Variants in ZNF718 observed in about 807,000 individuals in gnomAD.
ZNF718 encodes the protein zinc finger protein 718.
ZNF718 carries 3 observed loss-of-function variants against 2.6 expected under a neutral mutation model. That is an observed-to-expected ratio of 1.16 (90% confidence interval 0.53 to 3.01). The LOEUF (loss-of-function observed/expected upper bound fraction) is 3.01. Ranked by LOEUF, ZNF718 falls within the 30% of genes most tolerant of loss-of-function variation. ZNF718 has a pLI of 0.03. For synonymous variants in ZNF718, 135 were observed against 77.9 expected (o/e 1.73, Z -3.86); for missense variants, 468 against 230.0 (o/e 2.03, Z -6.69).
downstream of ZNF718, among the ~76,000 whole-genome samples, chr4:165,208 T>G (rs112994481): frequency 0.025 from 3,783 of 152,270 alleles, 91 homozygotes; most frequent in African/African-American, 0.065. Context: ...AAGTTTGGAT[T>G]TGTTTTAATG....
intron 3 of ZNF718, among the ~76,000 whole-genome samples, chr4:196,455 G>A (rs1553822039): frequency 6.6e-6 from 1 of 152,162 alleles, no homozygotes; most frequent in African/African-American, 2.4e-5. Context: ...GGAAATGAAA[G>A]GCTGAACCAT....
chr4:186,317 C>A (rs1717564979), intron 3 of ZNF718, among the ~76,000 whole-genome samples: 1 of 152,144 alleles, frequency 6.6e-6, no homozygotes, highest in African/African-American at 2.4e-5. Context: ...GGCCCCCAAT[C>A]TCTTCTGGCT....
At chr4:138,952 A>G (rs1195940752) in intron 3 of ZNF718, among the ~76,000 whole-genome samples, 1 of 152,182 alleles carries the variant, frequency 6.6e-6, no homozygotes, top group Non-Finnish European at 1.5e-5. Flanking sequence ...AGAAATTTCT[A>G]TTCAAATTTT....
In ZNF718 at chr4:163,389, C is replaced by T. The variant is rs988980914; in HGVS notation, c.*1267C>T. 6 of 152,038 alleles carry T rather than the reference C, an allele frequency of 3.9e-5. No homozygotes were observed. In the East Asian group the frequency reaches 9.6e-4, roughly 24 times the overall value. The allele number at this position is 152,038 out of a possible 1,614,324, so 9.4% of individuals were successfully genotyped here. ...ATTTTTAGTAGAGACGGGGTTTCAC[C>T]GTTTTAGCCGGGATGGTCTCGATCT... On this transcript the variant is annotated 3_prime_UTR_variant, in exon 4 of 4. Transcript: ENST00000510175.
downstream of ZNF718, among the ~76,000 whole-genome samples, chr4:167,458 G>T (rs1418880156): frequency 1.3e-5 from 2 of 152,068 alleles, no homozygotes; most frequent in African/African-American, 4.8e-5. Flanking sequence ...CCATTTTCAT[G>T]ATATTGATTC....
At chr4:185,283 T>G (rs894693568) in intron 3 of ZNF718, among the ~76,000 whole-genome samples, 6 of 152,222 alleles carry the variant, frequency 3.9e-5, no homozygotes, top group African/African-American at 1.4e-4. Flanking sequence ...AGGAGCAGGT[T>G]GTTCAATTTC....
At position 160,896 on chromosome 4, in the gene ZNF718, T is replaced by C; in HGVS notation, c.227-16T>C. 1.4e-6 allele frequency: 1 copy of C among 740,380 alleles called. No individual in the cohort carries two copies. The highest frequency in any genetic ancestry group is 2.5e-6 in the Non-Finnish European group (1 of 402,440). The allele number at this position is 740,380 out of a possible 1,614,324, so 45.9% of individuals were successfully genotyped here. A position where few individuals can be genotyped will look rare whatever the true frequency, so the allele number is the denominator to read the frequency against. ...ATCTAGTAAGTGGGATAATTTGTTATTTTTATTTCTTTCAGCTGTGTGTTC... is the reference window on the plus strand; with the variant it reads ...ATCTAGTAAGTGGGATAATTTGTTACTTTTATTTCTTTCAGCTGTGTGTTC... On this transcript the variant is annotated splice_polypyrimidine_tract_variant and intron_variant, in intron 3 of 3. Transcript: ENST00000510175.
Position 131,746 on chromosome 4 carries a change from G to A in ZNF718, c.226+241G>A, listed in dbSNP as rs2089676216. On this transcript the variant is annotated intron_variant, in intron 3 of 3. Coordinates refer to ENST00000510175, the MANE Select transcript of ZNF718 (RefSeq NM_001039127.6). ...AAATTAGCCGGGTGTGGTGGCGGGC[G>A]CCTGTAATCCCAGCTACTTGGGAGG... Among the ~76,000 whole-genome samples the A allele has an allele frequency of 2.9e-5, 3 of 102,200 alleles. 1 individual carries two copies. The highest frequency in any genetic ancestry group is 1.0e-4 in the African/African-American group (3 of 29,322). 67.0% of individuals were successfully genotyped at this position (102,200 alleles called of 152,430 possible).
rs782652897 is a variant in ZNF718 at position 161,527 on chromosome 4, A to T, written c.842A>T (p.Lys281Ile). Residue 281 changes from lysine (K) to isoleucine (I), a missense_variant, in exon 4 of 4, where the codon AAA becomes ATA. Coordinates refer to ENST00000510175, the MANE Select transcript of ZNF718 (RefSeq NM_001039127.6). Reference sequence around the variant, plus strand: ...CATAAGAGAATTCATTCTGCACAAAAATACTACAAATGTGAAGAATGTGGT... The same window carrying T: ...CATAAGAGAATTCATTCTGCACAAATATACTACAAATGTGAAGAATGTGGT... ...NLHKRIHSAQ[K>I]YYKCEECGKA... 2.3e-5 allele frequency: 18 copies of T among 780,720 alleles called. 1 individual carries two copies. In the Admixed American group the frequency reaches 2.5e-4, roughly 11 times the overall value. 48.4% of individuals were successfully genotyped at this position (780,720 alleles called of 1,614,324 possible).
At position 193,880 on chromosome 4, in the gene ZNF718, C is replaced by A. The variant is rs149894607; in HGVS notation, c.227-7201C>A. ...GGGGCAGTGGGCCTTACAGTGATTC[C>A]CTTGACATAAGGGCATGGACAAGGG... On this transcript the variant is annotated intron_variant and NMD_transcript_variant, in intron 3 of 4. Transcript: ENST00000642529. Among the ~76,000 whole-genome samples the A allele has an allele frequency of 1.2e-3, 179 of 152,258 alleles. 1 individual carries two copies. Among genetic ancestry groups the A allele is most frequent in the Middle Eastern group, 3.4e-3 (1 of 294 alleles).
rs532012796 is a variant in ZNF718, at chr4:155,634, G to A, written c.227-5278G>A. Among the ~76,000 whole-genome samples, 2 of 152,238 alleles carry A rather than the reference G, an allele frequency of 1.3e-5. 1 individual carries two copies. The highest frequency in any genetic ancestry group is 4.8e-5 in the African/African-American group (2 of 41,550). On this transcript the variant is annotated intron_variant, in intron 3 of 3. Transcript: ENST00000510175. Reference sequence around the variant, plus strand: ...TACCCAATGCCTGCACCCCCATTGTGTCTAGGAAATAACTAACTTGCTTTT... The same window carrying A: ...TACCCAATGCCTGCACCCCCATTGTATCTAGGAAATAACTAACTTGCTTTT...
At position 175,727 on chromosome 4, in the gene ZNF718, T is replaced by C. The variant is rs529291556; in HGVS notation, c.227-25354T>C. Among the ~76,000 whole-genome samples the C allele has an allele frequency of 3.9e-5, 6 of 152,294 alleles. No individual in the cohort carries two copies. The South Asian group carries it at 1.2e-3, about 32-fold the overall frequency. ...ATAATACTCTGCAGATTTACTAATA[T>C]GCCTTTGTTACCATAAACCAACACC... On this transcript the variant is annotated intron_variant and NMD_transcript_variant, in intron 3 of 4. Transcript: ENST00000642529.
chr4:145,689 T>G (rs1716020599), intron 3 of ZNF718, among the ~76,000 whole-genome samples: 1 of 152,098 alleles, frequency 6.6e-6, no homozygotes, highest in African/African-American at 2.4e-5. Context: ...AACTCCTGGG[T>G]TCAAGCACTC....
chr4:185,510 A>G (rs782123540), intron 3 of ZNF718, among the ~76,000 whole-genome samples: 1 of 152,132 alleles, frequency 6.6e-6, no homozygotes, highest in Non-Finnish European at 1.5e-5. Context: ...TAGATAATCT[A>G]TCAGTTCCAC....
chr4:191,358 G>A (rs1717691010), intron 3 of ZNF718, among the ~76,000 whole-genome samples: 1 of 151,870 alleles, frequency 6.6e-6, no homozygotes, highest in South Asian at 2.1e-4. Context: ...TACCATATTG[G>A]TCAGGCTGGT....
chr4:190,226 C>G (rs1383112948), intron 3 of ZNF718, among the ~76,000 whole-genome samples: 5 of 151,624 alleles, frequency 3.3e-5, no homozygotes, highest in Admixed American at 1.3e-4. Context: ...GTCAGGAGAC[C>G]GAGACCATCC....
rs148654529 is a variant in ZNF718 at position 161,953 on chromosome 4, A to C, written c.1268A>C (p.Tyr423Ser). 1.3e-6 allele frequency: 1 copy of C among 779,918 alleles called. No individual in the cohort carries two copies. Among genetic ancestry groups the C allele is most frequent in the East Asian group, 2.4e-5 (1 of 41,206 alleles). The allele number at this position is 779,918 out of a possible 1,614,324, so 48.3% of individuals were successfully genotyped here. A position where few individuals can be genotyped will look rare whatever the true frequency, so the allele number is the denominator to read the frequency against. ...HKKIHTGEKP[Y>S]ICKQCGKAFK... ...AAAATTCATACTGGAGAGAAACCCT[A>C]CATATGTAAACAATGTGGCAAAGCC... is the stretch of plus-strand genomic sequence containing the variant. Residue 423 changes from tyrosine (Y) to serine (S), a missense_variant, in exon 4 of 4, where the codon TAC becomes TCC. Tyr to Ser is a moderately radical substitution (Grantham distance 144). Transcript: ENST00000510175.
chr4:160,220 T>G (rs567492247), intron 3 of ZNF718, among the ~76,000 whole-genome samples: 1 of 152,300 alleles, frequency 6.6e-6, no homozygotes. Flanking sequence ...GTGTCACTAT[T>G]TTTCCTCTAA....
intron 3 of ZNF718, among the ~76,000 whole-genome samples, chr4:134,439 C>T (rs528763645): frequency 6.6e-6 from 1 of 152,260 alleles, no homozygotes; most frequent in South Asian, 2.1e-4. Context: ...CCACCGTGCC[C>T]AGCCAATCAG....
Sources: allele counts gnomAD v4.1 joint callset (sites outside exome capture counted in the v4.1 genomes callset), GRCh38; gene constraint gnomAD v4.1.1; transcripts MANE v1.5; gene names NCBI Gene and HGNC (gene_info 2026-07-23, HGNC 2026-07-21).